KIAA1549L: variants seen among roughly 807,000 people sequenced by gnomAD.
KIAA1549L encodes the protein UPF0606 protein KIAA1549L.
Under a neutral mutation model 160.7 loss-of-function variants are expected in KIAA1549L, and 88 were observed. The observed-to-expected ratio is 0.55, with a 90% CI of 0.46 to 0.65. The LOEUF is 0.65. Ranked by LOEUF, KIAA1549L falls within the 30% of genes least tolerant of loss-of-function variation. KIAA1549L has a pLI of 0.00. For synonymous variants in KIAA1549L, 950 were observed against 976.7 expected (o/e 0.97, Z 0.51); for missense variants, 2,258 against 2,437.5 (o/e 0.93, Z 1.55).
intron 1 of KIAA1549L, among the ~76,000 whole-genome samples, chr11:33,422,831 G>C (rs1262116012): frequency 1.3e-5 from 2 of 151,990 alleles, no homozygotes; most frequent in African/African-American, 4.8e-5. Flanking sequence ...AAGTTTTTAA[G>C]TGTTAAAAAC....
chr11:33,548,423 A>G (rs944695379), intron 4 of KIAA1549L, among the ~76,000 whole-genome samples: 7 of 151,964 alleles, frequency 4.6e-5, no homozygotes, highest in Non-Finnish European at 1.0e-4. Flanking sequence ...AAACAAACAA[A>G]CAAGCCTGGA....
At chr11:33,526,514 C>T (rs967553254) in intron 1 of KIAA1549L, among the ~76,000 whole-genome samples, 2 of 152,196 alleles carry the variant, frequency 1.3e-5, no homozygotes, top group Admixed American at 1.3e-4. Context: ...TGCAGACATT[C>T]CCCAGCACCA....
chr11:33,464,204 T>C (rs1328021739), intron 1 of KIAA1549L, among the ~76,000 whole-genome samples: 1 of 152,248 alleles, frequency 6.6e-6, no homozygotes, highest in Non-Finnish European at 1.5e-5. Flanking sequence ...CCAAAGATCA[T>C]AATTTTTTCA....
At chr11:33,402,292 T>G (rs780448627) in intron 1 of KIAA1549L, among the ~76,000 whole-genome samples, 14 of 152,152 alleles carry the variant, frequency 9.2e-5, no homozygotes, top group Non-Finnish European at 2.9e-5. Context: ...CATCCTAGAC[T>G]CCTCCTCCTC....
chr11:33,585,270 G>A (rs1484273700), intron 11 of KIAA1549L, among the ~76,000 whole-genome samples: 2 of 152,200 alleles, frequency 1.3e-5, no homozygotes, highest in Non-Finnish European at 2.9e-5. Context: ...TGTAATCCCA[G>A]CATTTTGGGA....
chr11:33,397,681 C>T (rs1375362536), intron 1 of KIAA1549L, among the ~76,000 whole-genome samples: 10 of 150,784 alleles, frequency 6.6e-5, no homozygotes, highest in Admixed American at 6.6e-4. Context: ...CACTGCACTC[C>T]AGCCTGGGCG....
intron 1 of KIAA1549L, among the ~76,000 whole-genome samples, chr11:33,469,684 T>G (rs1392218370): frequency 6.6e-6 from 1 of 152,194 alleles, no homozygotes; most frequent in Admixed American, 6.5e-5. Context: ...TCAACACTTG[T>G]TATTGTGTCT....
chr11:33,586,096 C>T (rs896187662), intron 11 of KIAA1549L, among the ~76,000 whole-genome samples: 3 of 152,244 alleles, frequency 2.0e-5, no homozygotes, highest in African/African-American at 4.8e-5. Flanking sequence ...CATCACTTCT[C>T]ACCACCTTGT....
chr11:33,608,782 G>A (rs1041531922), intron 14 of KIAA1549L, among the ~76,000 whole-genome samples: 2 of 152,142 alleles, frequency 1.3e-5, no homozygotes, highest in Non-Finnish European at 2.9e-5. Context: ...GACCTTGCTG[G>A]CATTTGGATT....
chr11:33,389,249 G>A (rs947457359), intron 1 of KIAA1549L, among the ~76,000 whole-genome samples: 5 of 152,154 alleles, frequency 3.3e-5, no homozygotes, highest in Admixed American at 1.3e-4. Context: ...AATGAATGCC[G>A]TTCCCCTGTC....
chr11:33,388,527 C>T (rs1392264676), intron 1 of KIAA1549L, among the ~76,000 whole-genome samples: 2 of 152,074 alleles, frequency 1.3e-5, no homozygotes, highest in Admixed American at 1.3e-4. Context: ...CCTCTTCATA[C>T]AAATATTTAT....
At chr11:33,619,498 G>T (rs1850904812) in intron 16 of KIAA1549L, among the ~76,000 whole-genome samples, 1 of 152,062 alleles carries the variant, frequency 6.6e-6, no homozygotes, top group African/African-American at 2.4e-5. Flanking sequence ...TTGACACTTG[G>T]TTTTTAAAAT....
At chr11:33,534,818 TC>T (rs769611366) in intron 1 of KIAA1549L, among the ~76,000 whole-genome samples, 24 of 152,210 alleles carry the variant, frequency 1.6e-4, no homozygotes, top group Non-Finnish European at 3.2e-4. Flanking sequence ...CTCTCACCAT[TC>T]TTTAGTCATG....
intron 1 of KIAA1549L, among the ~76,000 whole-genome samples, chr11:33,441,105 G>A (rs572152858): frequency 7.1e-6 from 1 of 140,170 alleles, no homozygotes; most frequent in South Asian, 2.3e-4. Flanking sequence ...AGTGTGTGAT[G>A]TTCCCCTTCC....
At chr11:33,461,555 A>G (rs1006729167) in intron 1 of KIAA1549L, among the ~76,000 whole-genome samples, 4 of 152,168 alleles carry the variant, frequency 2.6e-5, no homozygotes, top group Admixed American at 6.5e-5. Flanking sequence ...GTCCCCAGGC[A>G]TTTCATTCTT....
At chr11:33,501,171 A>G (rs1048676036) in intron 1 of KIAA1549L, among the ~76,000 whole-genome samples, 3 of 152,180 alleles carry the variant, frequency 2.0e-5, no homozygotes, top group Non-Finnish European at 4.4e-5. Flanking sequence ...GGAAAGGCCT[A>G]TTTGCCTACA....
At chr11:33,544,630 C>A in intron 2 of KIAA1549L, 137 bp from the exon 3 acceptor site, 1 of 1,166,142 alleles carries the variant, frequency 8.6e-7, no homozygotes, top group East Asian at 2.5e-5. Flanking sequence ...GTTGTTTTGC[C>A]TAAGTTCTGT....
At chr11:33,498,206 G>C (rs1280233836) in intron 1 of KIAA1549L, among the ~76,000 whole-genome samples, 1 of 152,200 alleles carries the variant, frequency 6.6e-6, no homozygotes, top group Non-Finnish European at 1.5e-5. Context: ...AAGGTGGGAG[G>C]ATTGCTTGAG....
intron 13 of KIAA1549L, among the ~76,000 whole-genome samples, chr11:33,604,209 G>A (rs1850439313): frequency 6.6e-6 from 1 of 152,136 alleles, no homozygotes; most frequent in African/African-American, 2.4e-5. Flanking sequence ...ATTTAGGACT[G>A]GTTTAGCTGG....
Sources: gnomAD v4.1 joint callset for allele counts (sites outside exome capture counted in the v4.1 genomes callset) on GRCh38, gnomAD v4.1.1 for gene constraint, MANE v1.5 for transcripts, NCBI Gene and HGNC (gene_info 2026-07-23, HGNC 2026-07-21) for gene names.